The following NHSL2 variants were observed in gnomAD, a reference collection of about 807,000 sequenced individuals.
NHSL2 encodes NHS-like protein 2.
A neutral mutation model predicts 53.4 loss-of-function variants in NHSL2; 27 were observed. The ratio of observed to expected loss-of-function variants is 0.51; its 90% CI spans 0.37 to 0.70. The LOEUF (loss-of-function observed/expected upper bound fraction) is 0.70, where lower values mean the gene tolerates loss of function less well. NHSL2 is among the 30% of genes least tolerant of loss of function. The pLI is 0.00. For synonymous variants in NHSL2, 408 were observed against 404.1 expected (o/e 1.01, Z -0.12); for missense variants, 892 against 980.1 (o/e 0.91, Z 1.20).
At chrX:72,076,299 T>G (rs1438981476) in intron 1 of NHSL2, among the ~76,000 whole-genome samples, 1 of 111,652 alleles carries the variant, frequency 9.0e-6, no homozygotes, top group Non-Finnish European at 1.9e-5. Flanking sequence ...TGAAAAGTCT[T>G]CCACGAGAAA....
At chrX:72,117,273 A>G (rs1183081638) in intron 1 of NHSL2, among the ~76,000 whole-genome samples, 4 of 102,373 alleles carry the variant, frequency 3.9e-5, no homozygotes, top group Non-Finnish European at 4.0e-5. Flanking sequence ...ATATCTGTTG[A>G]TACATAGTCA....
intron 1 of NHSL2, among the ~76,000 whole-genome samples, chrX:72,113,747 C>A (rs2042112432): frequency 8.9e-6 from 1 of 112,458 alleles, no homozygotes; most frequent in Non-Finnish European, 1.9e-5. Context: ...ATTTTCTGCT[C>A]CTCTCCTGGT....
chrX:72,140,473 C>A lies in NHSL2; in HGVS notation c.2925C>A (p.Gly975=). The A allele has an allele frequency of 8.3e-7, 1 of 1,209,595 alleles. No individual in the cohort carries two copies. Among genetic ancestry groups the A allele is most frequent in the South Asian group, 1.8e-5 (1 of 56,557 alleles). Residue 975 remains glycine (G), a synonymous_variant, in exon 6 of 8, where the codon GGC becomes GGA. Transcript: ENST00000633930. The part of the protein sequence containing the change: ...QPPQGSVEDE[G]PKVRVLPERI... ...CCCAGGGAAGTGTAGAGGACGAGGGCCCCAAGGTGAGGGTTCTGCCTGAAA... is the reference window on the plus strand; with the variant it reads ...CCCAGGGAAGTGTAGAGGACGAGGGACCCAAGGTGAGGGTTCTGCCTGAAA...
Position 72,134,561 on chromosome X carries a change from C to T in NHSL2, c.617C>T (p.Ala206Val). Reference sequence around the variant, plus strand: ...GAGACTACCACCCAGGGTGTGAGGGCCCCCGAGGCCTCCCTGAGCCTGTCT... The same window carrying T: ...GAGACTACCACCCAGGGTGTGAGGGTCCCCGAGGCCTCCCTGAGCCTGTCT... ...EDETTTQGVR[A>V]PEASLSLSTT... is the part of the protein sequence containing the mutation. Residue 206 changes from alanine (A) to valine (V), a missense_variant, in exon 4 of 8, where the codon GCC becomes GTC. Ala to Val is a moderately conservative substitution (Grantham distance 64). Coordinates refer to ENST00000633930, the MANE Select transcript of NHSL2 (RefSeq NM_001013627.3). The T allele has an allele frequency of 8.6e-7, 1 of 1,165,693 alleles. No individual in the cohort carries two copies. The highest frequency in any genetic ancestry group is 1.1e-6 in the Non-Finnish European group (1 of 870,753).
At chrX:72,076,336 T>G (rs1469499997) in intron 1 of NHSL2, among the ~76,000 whole-genome samples, 1 of 111,787 alleles carries the variant, frequency 8.9e-6, no homozygotes, top group East Asian at 2.8e-4. Context: ...TCCATTATGG[T>G]GAGACCCAGG....
intron 1 of NHSL2, among the ~76,000 whole-genome samples, chrX:72,099,877 T>C (rs774106037): frequency 9.8e-5 from 11 of 112,308 alleles, no homozygotes; most frequent in African/African-American, 3.6e-4. Flanking sequence ...ATCCAGCACA[T>C]TTCAGTTCAG....
intron 1 of NHSL2, chrX:72,128,565 A>C (rs1445396074): frequency 8.9e-6 from 1 of 112,806 alleles, no homozygotes; most frequent in Admixed American, 9.3e-5. Context: ...AAGTCCCAGG[A>C]GTTCCTAGGA....
intron 4 of NHSL2, among the ~76,000 whole-genome samples, chrX:72,135,961 AG>A (rs2042352689): frequency 9.1e-6 from 1 of 109,566 alleles, no homozygotes; most frequent in African/African-American, 3.3e-5. Context: ...GCTTGACCCC[AG>A]GAGTCAGAGA....
chrX:72,108,879 C>G (rs1314795799), intron 1 of NHSL2, among the ~76,000 whole-genome samples: 2 of 111,467 alleles, frequency 1.8e-5, no homozygotes, highest in Non-Finnish European at 3.8e-5. Flanking sequence ...TGTCGAGCAT[C>G]AAACCCCAAT....
At chrX:72,120,396 TG>T (rs935924947) in intron 1 of NHSL2, among the ~76,000 whole-genome samples, 2 of 112,646 alleles carry the variant, frequency 1.8e-5, no homozygotes, top group Non-Finnish European at 3.7e-5. Context: ...TTTGGGGTTT[TG>T]ATTTCTTGTC....
chrX:71,942,981 TGTG>T (rs2041775361), intron 1 of NHSL2, among the ~76,000 whole-genome samples: 1 of 32,574 alleles, frequency 3.1e-5, no homozygotes, highest in African/African-American at 5.8e-5. Context: ...TCTGTGTGTG[TGTG>T]TGTGTGTGTG....
At chrX:72,097,200 A>G (rs184783970) in intron 1 of NHSL2, among the ~76,000 whole-genome samples, 18 of 112,343 alleles carry the variant, frequency 1.6e-4, no homozygotes, top group African/African-American at 5.5e-4. Context: ...AACAGGTTGG[A>G]AGAGAAGAGG....
chrX:72,014,969 G>T (rs2042129804), intron 1 of NHSL2, among the ~76,000 whole-genome samples: 1 of 110,686 alleles, frequency 9.0e-6, no homozygotes, highest in Non-Finnish European at 1.9e-5. Flanking sequence ...TCCTTTGCTG[G>T]TGGGGTTGGG....
rs137944773 is a variant in NHSL2, at chrX:72,123,634, G to A, written c.281-8445G>A. Among the ~76,000 whole-genome samples, 166 of 112,299 alleles carry A rather than the reference G, an allele frequency of 1.5e-3. 1 individual carries two copies. Among genetic ancestry groups the A allele is most frequent in the African/African-American group, 5.3e-3 (164 of 30,879 alleles). The stretch of plus-strand genomic sequence containing the variant: ...GCAAGAGGTGAAGGAGACCACAGTC[G>A]CTGGAGGCACCCGCCCTTCTCTAGC... On this transcript the variant is annotated intron_variant, in intron 1 of 7. Transcript: ENST00000633930.
At chrX:71,925,826 G>A (rs1015459723) in intron 1 of NHSL2, among the ~76,000 whole-genome samples, 3 of 112,042 alleles carry the variant, frequency 2.7e-5, no homozygotes, top group Non-Finnish European at 5.6e-5. Context: ...ACAATTTAGA[G>A]TTATGGAGTA....
intron 1 of NHSL2, among the ~76,000 whole-genome samples, chrX:71,914,822 T>C (rs1282093740): frequency 5.4e-5 from 6 of 110,976 alleles, no homozygotes. Flanking sequence ...AGTCTGACCG[T>C]CCTTGCTAAT....
chrX:72,005,387 T>C (rs551356037), intron 1 of NHSL2, among the ~76,000 whole-genome samples: 1 of 112,645 alleles, frequency 8.9e-6, no homozygotes, highest in African/African-American at 3.2e-5. Flanking sequence ...GTGGTCACTG[T>C]GTTTCTTGGT....
intron 1 of NHSL2, among the ~76,000 whole-genome samples, chrX:72,030,456 C>T (rs1358867082): frequency 1.8e-5 from 2 of 111,840 alleles, no homozygotes; most frequent in African/African-American, 3.3e-5. Flanking sequence ...TTGCATAAAG[C>T]ACACTGTAAA....
intron 1 of NHSL2, among the ~76,000 whole-genome samples, chrX:71,913,539 C>T (rs1041332419): frequency 6.2e-5 from 7 of 112,307 alleles, no homozygotes; most frequent in Non-Finnish European, 1.1e-4. Flanking sequence ...CTAGGATTCC[C>T]ACTCCCTTAC....
Sources: gnomAD v4.1 joint callset for allele counts (sites outside exome capture counted in the v4.1 genomes callset) on GRCh38, gnomAD v4.1.1 for gene constraint, MANE v1.5 for transcripts, NCBI Gene and HGNC (gene_info 2026-07-23, HGNC 2026-07-21) for gene names.